The following NRXN1 variants were observed in gnomAD, a reference collection of about 807,000 sequenced individuals.
NRXN1 encodes neurexin 1.
NRXN1 carries 39 observed loss-of-function variants against 150.9 expected under a neutral mutation model. The observed-to-expected ratio is 0.26, with a 90% CI of 0.20 to 0.34. The LOEUF (loss-of-function observed/expected upper bound fraction) is 0.34, where lower values mean the gene tolerates loss of function less well. NRXN1 is among the 10% of genes least tolerant of loss of function. The pLI, the probability that NRXN1 is intolerant of heterozygous loss-of-function variation, is 1.00. For missense variants in NRXN1, 1,815 were observed against 1,949.9 expected (o/e 0.93, Z 1.30); for synonymous variants, 924 against 757.0 (o/e 1.22, Z -3.62).
intron 17 of NRXN1, among the ~76,000 whole-genome samples, chr2:50,430,055 A>G (rs542219529): frequency 2.4e-4 from 37 of 152,282 alleles, no homozygotes; most frequent in African/African-American, 8.4e-4. Flanking sequence ...ATTAAACTAA[A>G]ATTTGAGAGT....
intron 1 of NRXN1, among the ~76,000 whole-genome samples, chr2:51,030,821 A>G (rs546311892): frequency 1.3e-5 from 2 of 152,252 alleles, no homozygotes; most frequent in South Asian, 4.1e-4. Context: ...ATAAATCTGG[A>G]ATATCATGAT....
chr2:49,936,160 C>T (rs1194431957), intron 22 of NRXN1, among the ~76,000 whole-genome samples: 1 of 152,232 alleles, frequency 6.6e-6, no homozygotes, highest in Non-Finnish European at 1.5e-5. Context: ...CTATTTTTTA[C>T]AGACTTCAAG....
chr2:50,130,169 T>C (rs935093229), intron 18 of NRXN1, among the ~76,000 whole-genome samples: 8 of 152,202 alleles, frequency 5.3e-5, no homozygotes, highest in African/African-American at 1.7e-4. Context: ...TGTTCTGATG[T>C]GTGCAGGAGT....
chr2:50,201,844 G>A (rs936011837), intron 18 of NRXN1, among the ~76,000 whole-genome samples: 1 of 152,146 alleles, frequency 6.6e-6, no homozygotes, highest in Non-Finnish European at 1.5e-5. Context: ...AGCTTCCAAG[G>A]TAGTGCACTT....
chr2:50,909,569 A>C (rs1684237656), intron 5 of NRXN1, among the ~76,000 whole-genome samples: 1 of 151,974 alleles, frequency 6.6e-6, no homozygotes, highest in South Asian at 2.1e-4. Context: ...GTTATCTCTG[A>C]GTCCTAAAGT....
chr2:50,346,235 C>T lies in NRXN1; in HGVS notation c.3365-109265G>A, dbSNP rs372625685. ...GCGGGCTGGAATCTCTCCCTCCCCG[C>T]CCCCCGGGGCCAGGGAAGATGGGCA... On this transcript the variant is annotated intron_variant, in intron 17 of 22. Transcript: ENST00000401669. The surrounding 1 kb of genome is among the most constrained non-coding windows in gnomAD (Gnocchi z 5.0). Among the ~76,000 whole-genome samples, 124 of 152,234 alleles carry T rather than the reference C, an allele frequency of 8.1e-4. No individual in the cohort carries two copies. Among genetic ancestry groups the T allele is most frequent in the African/African-American group, 2.8e-3 (115 of 41,570 alleles).
chr2:50,562,318 T>C (rs1467491004), intron 8 of NRXN1, among the ~76,000 whole-genome samples: 2 of 132,858 alleles, frequency 1.5e-5, no homozygotes, highest in Non-Finnish European at 3.1e-5. Context: ...GACAAATATA[T>C]GATAGATATA....
chr2:50,274,086 T>C (rs1009534679), intron 17 of NRXN1, among the ~76,000 whole-genome samples: 1 of 152,168 alleles, frequency 6.6e-6, no homozygotes, highest in African/African-American at 2.4e-5. Context: ...TGTATGTTTA[T>C]TGCGACACTA....
chr2:50,218,919 G>A (rs2063591005), intron 18 of NRXN1, among the ~76,000 whole-genome samples: 1 of 151,726 alleles, frequency 6.6e-6, no homozygotes, highest in African/African-American at 2.4e-5. Flanking sequence ...ATTCCATATT[G>A]TTTAAATAGT....
At chr2:50,204,539 T>C (rs767646624) in intron 18 of NRXN1, among the ~76,000 whole-genome samples, 18 of 152,134 alleles carry the variant, frequency 1.2e-4, no homozygotes, top group Admixed American at 9.2e-4. Flanking sequence ...CTGGGTGCAG[T>C]GAGAATATTA....
intron 5 of NRXN1, among the ~76,000 whole-genome samples, chr2:50,650,300 C>T (rs1407016380): frequency 2.6e-5 from 4 of 152,006 alleles, no homozygotes; most frequent in South Asian, 4.1e-4. Context: ...TCAGTCAGAG[C>T]AAGTGGTATA....
intron 18 of NRXN1, among the ~76,000 whole-genome samples, chr2:50,227,159 C>CA (rs1553788838): frequency 1.1e-5 from 1 of 89,256 alleles, no homozygotes; most frequent in Non-Finnish European, 2.3e-5. Flanking sequence ...TACACAAAGA[C>CA]GGGAAAAAAA....
intron 2 of NRXN1, among the ~76,000 whole-genome samples, chr2:50,968,626 A>C (rs1694505170): frequency 6.6e-6 from 1 of 152,122 alleles, no homozygotes. Flanking sequence ...GATCATTCAC[A>C]TCAGCATTCA....
chr2:50,212,426 C>G (rs1002334496), intron 18 of NRXN1, among the ~76,000 whole-genome samples: 1 of 147,954 alleles, frequency 6.8e-6, no homozygotes, highest in East Asian at 2.0e-4. Flanking sequence ...TGTGTGTGAC[C>G]CTACAACTTA....
In NRXN1 at chr2:50,632,321, T is replaced by C. The variant is rs762567137; in HGVS notation, c.833-8706A>G. The C allele has an allele frequency of 3.9e-5, 6 of 152,024 alleles. No individual in the cohort carries two copies. The East Asian group carries it at 9.7e-4, about 24-fold the overall frequency. 9.4% of individuals were successfully genotyped at this position (152,024 alleles called of 1,614,324 possible). On this transcript the variant is annotated intron_variant, in intron 5 of 22. Coordinates refer to ENST00000401669, the MANE Select transcript of NRXN1 (RefSeq NM_001330078.2). ...CCATCTTGTAAGCTGTTCTAAATTA[T>C]AGAATGTATTTTTTTAATATACACA... is the stretch of plus-strand genomic sequence containing the variant.
intron 19 of NRXN1, among the ~76,000 whole-genome samples, chr2:50,089,111 A>C (rs1444657136): frequency 6.6e-6 from 1 of 152,216 alleles, no homozygotes; most frequent in Non-Finnish European, 1.5e-5. Context: ...AATTTCCCAA[A>C]CTAATGGGAC....
chr2:50,379,651 T>C (rs1025313203), intron 17 of NRXN1, among the ~76,000 whole-genome samples: 1 of 152,150 alleles, frequency 6.6e-6, no homozygotes, highest in African/African-American at 2.4e-5. Context: ...CATATGCTTT[T>C]CTGATTAAGG....
At chr2:50,901,126 G>C (rs978310877) in intron 5 of NRXN1, among the ~76,000 whole-genome samples, 1 of 152,082 alleles carries the variant, frequency 6.6e-6, no homozygotes, top group Non-Finnish European at 1.5e-5. Context: ...CCATTAAAAT[G>C]TGAGTACCAT....
chr2:50,726,831 G>A (rs2105167379), intron 5 of NRXN1, among the ~76,000 whole-genome samples: 1 of 152,166 alleles, frequency 6.6e-6, no homozygotes, highest in East Asian at 1.9e-4. Flanking sequence ...AAATTATTCA[G>A]CATACATTCT....
Sources: allele counts gnomAD v4.1 joint callset (sites outside exome capture counted in the v4.1 genomes callset), GRCh38; gene constraint gnomAD v4.1.1; non-coding constraint Gnocchi (gnomAD v3.1); transcripts MANE v1.5; gene names NCBI Gene and HGNC (gene_info 2026-07-23, HGNC 2026-07-21).